ASTN2: variants seen among roughly 807,000 people sequenced by gnomAD.
ASTN2 encodes astrotactin 2.
In ASTN2, 54 loss-of-function variants were observed where a neutral mutation model predicts 139.8. The observed-to-expected ratio is 0.39, with a 90% CI of 0.31 to 0.48. ASTN2 has a LOEUF of 0.48. Among genes scored for constraint, ASTN2 ranks in the 20% least tolerant of loss-of-function variants. The pLI is 0.95. For synonymous variants in ASTN2, 756 were observed against 719.5 expected, an observed-to-expected ratio of 1.05 and a Z score of -0.81; for missense variants, 1,565 against 1,725.1, an observed-to-expected ratio of 0.91 and a Z score of 1.64.
chr9:116,834,075 T>C (rs1429097423), intron 11 of ASTN2, among the ~76,000 whole-genome samples: 1 of 152,260 alleles, frequency 6.6e-6, no homozygotes, highest in Non-Finnish European at 1.5e-5. Flanking sequence ...GTTATTTTGC[T>C]ACAGCAGTCC....
chr9:116,687,183 C>T, intron 16 of ASTN2: 1 of 1,053,120 alleles, frequency 9.5e-7, no homozygotes, highest in Non-Finnish European at 1.2e-6. Context: ...GGAAAGCTCA[C>T]CCCTGCAGGG....
intron 2 of ASTN2, among the ~76,000 whole-genome samples, chr9:117,236,089 C>A (rs1179744377): frequency 2.0e-5 from 3 of 152,166 alleles, no homozygotes; most frequent in African/African-American, 7.2e-5. Flanking sequence ...GGGAATAGAG[C>A]TAAGTAGCAT....
chr9:116,483,981 G>T (rs762558036), intron 20 of ASTN2, among the ~76,000 whole-genome samples: 2 of 152,162 alleles, frequency 1.3e-5, no homozygotes, highest in Non-Finnish European at 2.9e-5. Flanking sequence ...TTTGGTGTCT[G>T]ACTGTGTTTA....
At chr9:116,431,666 T>A (rs1847501817) in intron 22 of ASTN2, among the ~76,000 whole-genome samples, 1 of 152,162 alleles carries the variant, frequency 6.6e-6, no homozygotes, top group South Asian at 2.1e-4. Flanking sequence ...GGGTCAGAGA[T>A]GATAATGACT....
chr9:116,968,913 A>T (rs1836099798), intron 10 of ASTN2, among the ~76,000 whole-genome samples: 1 of 151,830 alleles, frequency 6.6e-6, no homozygotes, highest in Admixed American at 6.6e-5. Flanking sequence ...AAAAAAAAAA[A>T]AAAGTTCCTC....
intron 22 of ASTN2, among the ~76,000 whole-genome samples, chr9:116,435,310 T>G (rs1359518260): frequency 1.3e-5 from 2 of 152,150 alleles, no homozygotes; most frequent in Non-Finnish European, 2.9e-5. Context: ...CATCTTACCC[T>G]CTCTTATTTA....
At chr9:116,889,174 C>A (rs1198015567) in intron 10 of ASTN2, among the ~76,000 whole-genome samples, 1 of 151,982 alleles carries the variant, frequency 6.6e-6, no homozygotes, top group Non-Finnish European at 1.5e-5. Context: ...GTGAGCCATT[C>A]TGCTTGGGCT....
At chr9:116,738,581 A>T (rs751403956) in intron 13 of ASTN2, among the ~76,000 whole-genome samples, 1 of 152,196 alleles carries the variant, frequency 6.6e-6, no homozygotes, top group Admixed American at 6.5e-5. Context: ...CTATCTAATC[A>T]AAAACCACTT....
chr9:117,296,896 TGA>T (rs2130792794), intron 1 of ASTN2, among the ~76,000 whole-genome samples: 1 of 152,272 alleles, frequency 6.6e-6, no homozygotes, highest in South Asian at 2.1e-4. Flanking sequence ...CCACAGAAGC[TGA>T]GAGAGAGGAT....
intron 4 of ASTN2, among the ~76,000 whole-genome samples, chr9:117,134,295 T>C (rs28539680): frequency 0.011 from 860 of 75,790 alleles, 3 homozygotes; most frequent in Middle Eastern, 0.027. Context: ...TATATATATA[T>C]ACACACACAC....
intron 20 of ASTN2, among the ~76,000 whole-genome samples, chr9:116,476,514 C>G (rs1052934294): frequency 1.3e-5 from 2 of 152,128 alleles, no homozygotes; most frequent in East Asian, 3.9e-4. Flanking sequence ...CAGGTAACAG[C>G]CTGGTCCTTT....
chr9:116,910,457 G>A (rs186093750), intron 10 of ASTN2, among the ~76,000 whole-genome samples: 3 of 152,160 alleles, frequency 2.0e-5, no homozygotes, highest in South Asian at 2.1e-4. Context: ...TCCAGACATC[G>A]CCCACCACTA....
intron 1 of ASTN2, among the ~76,000 whole-genome samples, chr9:117,407,015 G>A (rs545993191): frequency 6.6e-6 from 1 of 152,200 alleles, no homozygotes; most frequent in South Asian, 2.1e-4. Context: ...GATTCAAAGG[G>A]CCTGGCTATG....
intron 4 of ASTN2, among the ~76,000 whole-genome samples, chr9:117,133,701 A>G (rs1466400557): frequency 1.3e-5 from 2 of 152,218 alleles, no homozygotes; most frequent in Non-Finnish European, 2.9e-5. Context: ...ATCTCAGGGA[A>G]GATAGTGAAG....
At chr9:117,199,220 G>A in intron 3 of ASTN2, among the ~76,000 whole-genome samples, 1 of 152,146 alleles carries the variant, frequency 6.6e-6, no homozygotes, top group Non-Finnish European at 1.5e-5. Flanking sequence ...CCTATATCCT[G>A]AATGGTACTG....
chr9:116,815,108 C>T lies in ASTN2; in HGVS notation c.2207+5509G>A, dbSNP rs573961006. The stretch of plus-strand genomic sequence containing the variant: ...AATAAAACAAGTGCCTGAATGAATT[C>T]CCCCATCTCCCACCAACTCTTCCAC... On this transcript the variant is annotated intron_variant, in intron 12 of 22. Transcript: ENST00000313400. 5.9e-5 allele frequency among the ~76,000 whole-genome samples: 9 copies of T among 152,260 alleles called. No individual in the cohort carries two copies. In the East Asian group the frequency reaches 1.7e-3, roughly 29 times the overall value.
At chr9:117,072,413 A>G (rs997856463) in intron 5 of ASTN2, among the ~76,000 whole-genome samples, 4 of 152,176 alleles carry the variant, frequency 2.6e-5, no homozygotes, top group Non-Finnish European at 5.9e-5. Flanking sequence ...TCAATTACAA[A>G]TCACTCTGTC....
At chr9:116,595,858 A>C (rs1436790843) in intron 19 of ASTN2, among the ~76,000 whole-genome samples, 4 of 152,160 alleles carry the variant, frequency 2.6e-5, no homozygotes, top group Non-Finnish European at 4.4e-5. Flanking sequence ...CCACTATGAA[A>C]AACAGTATGC....
chr9:117,255,885 A>G (rs1833673188), intron 2 of ASTN2, among the ~76,000 whole-genome samples: 1 of 152,176 alleles, frequency 6.6e-6, no homozygotes, highest in South Asian at 2.1e-4. Flanking sequence ...TCTGTTGGAA[A>G]TGGAGCATCA....
Sources: gnomAD v4.1 joint callset for allele counts (sites outside exome capture counted in the v4.1 genomes callset) on GRCh38, gnomAD v4.1.1 for gene constraint, MANE v1.5 for transcripts, NCBI Gene and HGNC (gene_info 2026-07-23, HGNC 2026-07-21) for gene names.